SPTB: variants seen among roughly 807,000 people sequenced by gnomAD.
The protein encoded by SPTB is spectrin beta, erythrocytic.
SPTB carries 45 observed loss-of-function variants against 256.2 expected under a neutral mutation model. That is an observed-to-expected ratio of 0.18 (90% CI 0.14 to 0.23). The LOEUF is 0.23. SPTB is among the 10% of genes least tolerant of loss of function. The pLI is 1.00. For synonymous variants in SPTB, 1,231 were observed against 1,243.1 expected (o/e 0.99, Z 0.21); for missense variants, 2,715 against 3,040.4 (o/e 0.89, Z 2.52).
At chr14:64,871,467 G>A (rs1223537867) in intron 1 of SPTB, among the ~76,000 whole-genome samples, 1 of 152,212 alleles carries the variant, frequency 6.6e-6, no homozygotes, top group Non-Finnish European at 1.5e-5. Flanking sequence ...GGTGGCTTTT[G>A]AGAAGGGGTG....
rs2082412928 is a variant in SPTB, at chr14:64,778,951, A to G, written c.4563+206T>C. Among the ~76,000 whole-genome samples, 1 of 152,036 alleles carries G rather than the reference A, an allele frequency of 6.6e-6. No individual in the cohort carries two copies. The highest frequency in any genetic ancestry group is 1.5e-5 in the Non-Finnish European group (1 of 68,004). On this transcript the variant is annotated intron_variant, in intron 22 of 35. Transcript: ENST00000644917. The surrounding 1 kb of genome is among the most constrained non-coding windows in gnomAD (Gnocchi z 5.2). Reference sequence around the variant, plus strand: ...CCCCAACTACCTCCCCTCCTCTGTGATCCTCCCAGAATTTGCTCTGTAATC... The same window carrying G: ...CCCCAACTACCTCCCCTCCTCTGTGGTCCTCCCAGAATTTGCTCTGTAATC...
intron 25 of SPTB, 114 bp downstream of exon 25, chr14:64,773,106 G>A (rs982429014): frequency 2.5e-5 from 39 of 1,544,858 alleles, no homozygotes; most frequent in Middle Eastern, 1.7e-4. Flanking sequence ...GGCTGGTCCC[G>A]CCTCACACTG....
At chr14:64,789,534 T>C (rs1201184275) in intron 15 of SPTB, among the ~76,000 whole-genome samples, 5 of 152,118 alleles carry the variant, frequency 3.3e-5, no homozygotes, top group African/African-American at 1.2e-4. Flanking sequence ...CTGCTTTCCA[T>C]GGGGCGGTCA....
chr14:64,839,357 C>T (rs990860690), intron 1 of SPTB, among the ~76,000 whole-genome samples: 17 of 152,194 alleles, frequency 1.1e-4, no homozygotes, highest in South Asian at 4.1e-4. Context: ...TAAATGCATA[C>T]GCTGTCCTAG....
At chr14:64,851,414 A>C (rs933800824) in intron 1 of SPTB, among the ~76,000 whole-genome samples, 8 of 152,188 alleles carry the variant, frequency 5.3e-5, no homozygotes, top group Non-Finnish European at 1.5e-5. Flanking sequence ...ACCCAGAACA[A>C]TGCCTAGCAC....
Position 64,759,810 on chromosome 14 carries a change from G to C in SPTB, c.6346-6017C>G, listed in dbSNP as rs1230449380. 6.6e-6 allele frequency among the ~76,000 whole-genome samples: 1 copy of C among 152,236 alleles called. No individual in the cohort carries two copies. Among genetic ancestry groups the C allele is most frequent in the Non-Finnish European group, 1.5e-5 (1 of 68,038 alleles). On this transcript the variant is annotated intron_variant, in intron 32 of 35. Coordinates refer to ENST00000644917, the MANE Select transcript of SPTB (RefSeq NM_001355436.2). The surrounding 1 kb of genome is among the most constrained non-coding windows in gnomAD (Gnocchi z 4.8). ...GCAGGGGACACTCTGAAGGAAGAGA[G>C]TCCCGCTGCTTGGAAGAAATTCTGG...
intron 1 of SPTB, among the ~76,000 whole-genome samples, chr14:64,875,190 A>G (rs1198584682): frequency 6.6e-6 from 1 of 152,238 alleles, no homozygotes; most frequent in Non-Finnish European, 1.5e-5. Flanking sequence ...AAAAGGAAAG[A>G]GAAAAATGAA....
chr14:64,772,806 T>C lies in SPTB; in HGVS notation c.5327A>G (p.Asn1776Ser). 6.2e-7 allele frequency: 1 copy of C among 1,613,964 alleles called. No individual in the cohort carries two copies. Among genetic ancestry groups the C allele is most frequent in the Non-Finnish European group, 8.5e-7 (1 of 1,180,042 alleles). ...ATIAEWKDGL[N>S]EMWADLLELI... ...CTCCAGGAGGTCTGCCCACATCTCGTTCAGCCCGTCCTTCCACTCGGCGAT... is the reference window on the plus strand; with the variant it reads ...CTCCAGGAGGTCTGCCCACATCTCGCTCAGCCCGTCCTTCCACTCGGCGAT... Residue 1776 changes from asparagine to serine, a missense_variant, in exon 26 of 36, where the codon AAC becomes AGC. Asn to Ser is a conservative substitution (Grantham distance 46, BLOSUM62 1). Transcript: ENST00000644917. The surrounding 1 kb of genome is among the most constrained non-coding windows in gnomAD (Gnocchi z 5.4).
At position 64,786,042 on chromosome 14, in the gene SPTB, C is replaced by T. The variant is rs1228901842; in HGVS notation, c.3562-91G>A. 7.5e-7 allele frequency: 1 copy of T among 1,329,692 alleles called. No homozygotes were observed. The highest frequency in any genetic ancestry group is 1.4e-5 in the African/African-American group (1 of 69,332). The allele number at this position is 1,329,692 out of a possible 1,614,324, so 82.4% of individuals were successfully genotyped here. ...AGTGGGAGCACCACGTGCAGCCACA[C>T]AGGCCACGGTATGAATGAGCCCCCT... On this transcript the variant is annotated intron_variant, in intron 16 of 35. Transcript: ENST00000644917. The surrounding 1 kb of genome is among the most constrained non-coding windows in gnomAD (Gnocchi z 5.6).
rs186528272 is a variant in SPTB at position 64,864,918 on chromosome 14, C to T, written c.-52+14874G>A. ...GTTTCACTCAAGAGTCCTGCACTGA[C>T]TATGCAAGCTCATGCCAATAACTCC... On this transcript the variant is annotated intron_variant, in intron 1 of 35. Transcript: ENST00000644917. Among the ~76,000 whole-genome samples, 3 of 152,280 alleles carry T rather than the reference C, an allele frequency of 2.0e-5. No homozygotes were observed. In the South Asian group the frequency reaches 6.2e-4, roughly 32 times the overall value.
rs887687944 is a variant in SPTB at position 64,758,614 on chromosome 14, G to A, written c.6346-4821C>T. On this transcript the variant is annotated intron_variant, in intron 32 of 35. Transcript: ENST00000644917. The surrounding 1 kb of genome is among the most constrained non-coding windows in gnomAD (Gnocchi z 4.6). ...CACAACTTTGTCAAGAAAAGACTTC[G>A]AGGAAGATTGTGTCTAGATATATAT... is the stretch of plus-strand genomic sequence containing the variant. Among the ~76,000 whole-genome samples, 1 of 152,248 alleles carries A rather than the reference G, an allele frequency of 6.6e-6. No homozygotes were observed. The highest frequency in any genetic ancestry group is 2.4e-5 in the African/African-American group (1 of 41,474).
chr14:64,794,760 A>G, intron 12 of SPTB, 143 bp from the exon 13 acceptor site: 1 of 1,078,954 alleles, frequency 9.3e-7, no homozygotes, highest in African/African-American at 1.6e-5. Flanking sequence ...GCTGCTGAGG[A>G]TGGAAGAAGC....
intron 6 of SPTB, 143 bp from the exon 7 acceptor site, chr14:64,801,543 A>G: frequency 2.5e-6 from 2 of 809,136 alleles, no homozygotes; most frequent in Non-Finnish European, 4.2e-6. Flanking sequence ...AGCAGAGGAG[A>G]GGGGGCAGGT....
At chr14:64,877,828 C>T (rs1308810864) in intron 1 of SPTB, among the ~76,000 whole-genome samples, 1 of 152,196 alleles carries the variant, frequency 6.6e-6, no homozygotes, top group Non-Finnish European at 1.5e-5. Flanking sequence ...CAAATGTGAT[C>T]CCAGGTAGGA....
chr14:64,804,620 C>A (rs1332902067), intron 3 of SPTB, among the ~76,000 whole-genome samples: 1 of 152,162 alleles, frequency 6.6e-6, no homozygotes, highest in Non-Finnish European at 1.5e-5. Flanking sequence ...AAGAGGGATG[C>A]ATCTTAGCCC....
chr14:64,839,670 T>C (rs2139748257), intron 1 of SPTB, among the ~76,000 whole-genome samples: 1 of 152,316 alleles, frequency 6.6e-6, no homozygotes, highest in South Asian at 2.1e-4. Flanking sequence ...GCAGTCCCAT[T>C]GCCATAAACT....
chr14:64,746,848 C>T lies in SPTB; in HGVS notation c.*2458G>A, dbSNP rs1017654577. 5.3e-5 allele frequency: 8 copies of T among 151,612 alleles called. No individual in the cohort carries two copies. Among genetic ancestry groups the T allele is most frequent in the Non-Finnish European group, 7.4e-5 (5 of 67,948 alleles). 9.4% of individuals were successfully genotyped at this position (151,612 alleles called of 1,614,324 possible). On this transcript the variant is annotated 3_prime_UTR_variant, in exon 36 of 36. Coordinates refer to ENST00000644917, the MANE Select transcript of SPTB (RefSeq NM_001355436.2). This position sits in a 1 kb window ranked among gnomAD's most constrained non-coding sequence, Gnocchi z 4.9. ...GTGTGGACTGGAGCTGTGTCAACCT[C>T]GTTTGGGAATACTGTCAAAAGACTG... is the stretch of plus-strand genomic sequence containing the variant.
chr14:64,766,700 C>G, intron 32 of SPTB, 26 bp downstream of exon 32: 1 of 1,613,584 alleles, frequency 6.2e-7, no homozygotes, highest in Non-Finnish European at 8.5e-7. Flanking sequence ...CTCCCAGGAA[C>G]TAGACAAACG....
At chr14:64,782,587 G>T (rs750297777) in intron 19 of SPTB, 34 bp from the exon 20 acceptor site, 1 of 1,611,488 alleles carries the variant, frequency 6.2e-7, no homozygotes, top group Non-Finnish European at 8.5e-7. Flanking sequence ...TCACATTCTG[G>T]GCTGACTGGG....
Sources: gnomAD v4.1 joint callset for allele counts (sites outside exome capture counted in the v4.1 genomes callset) on GRCh38, gnomAD v4.1.1 for gene constraint, Gnocchi (gnomAD v3.1) non-coding constraint, MANE v1.5 for transcripts, NCBI Gene and HGNC (gene_info 2026-07-23, HGNC 2026-07-21) for gene names.